SPATA17: variants seen among roughly 807,000 people sequenced by gnomAD.
The protein encoded by SPATA17 is spermatogenesis-associated protein 17.
A neutral mutation model predicts 62.2 loss-of-function variants in SPATA17; 53 were observed. That is an observed-to-expected ratio of 0.85 (90% CI 0.68 to 1.07). The LOEUF is 1.07. Ranked by LOEUF, SPATA17 falls within the 50% of genes least tolerant of loss-of-function variation. The pLI is 0.00. For missense variants in SPATA17, 466 were observed against 425.5 expected (o/e 1.10, Z -0.84); for synonymous variants, 146 against 146.8 (o/e 0.99, Z 0.04).
intron 1 of SPATA17, among the ~76,000 whole-genome samples, chr1:217,634,025 G>A (rs1382766470): frequency 1.3e-5 from 2 of 152,160 alleles, no homozygotes; most frequent in East Asian, 1.9e-4. Flanking sequence ...TGGGTTGCCC[G>A]ACTGACATAA....
chr1:217,793,528 TTA>T (rs1674058982), intron 8 of SPATA17, among the ~76,000 whole-genome samples: 1 of 152,086 alleles, frequency 6.6e-6, no homozygotes, highest in African/African-American at 2.4e-5. Flanking sequence ...CAGGACAGTT[TTA>T]GTCAGGATTG....
At chr1:217,845,553 A>T (rs977720151) in intron 9 of SPATA17, among the ~76,000 whole-genome samples, 1 of 152,086 alleles carries the variant, frequency 6.6e-6, no homozygotes, top group African/African-American at 2.4e-5. Context: ...CTTGACCTGT[A>T]TAAAACCCAG....
At chr1:217,804,569 C>T (rs1437820045) in intron 9 of SPATA17, among the ~76,000 whole-genome samples, 2 of 151,880 alleles carry the variant, frequency 1.3e-5, no homozygotes, top group African/African-American at 4.8e-5. Flanking sequence ...AAGCTTTGCA[C>T]AGCAAAGGAA....
At chr1:217,819,319 G>A (rs1674804198) in intron 9 of SPATA17, among the ~76,000 whole-genome samples, 1 of 151,814 alleles carries the variant, frequency 6.6e-6, no homozygotes, top group Admixed American at 6.6e-5. Context: ...TAATGTTGTA[G>A]GGAAGAAGAG....
At chr1:217,783,143 T>C (rs1673772293) in intron 8 of SPATA17, among the ~76,000 whole-genome samples, 2 of 150,688 alleles carry the variant, frequency 1.3e-5, no homozygotes, top group South Asian at 2.1e-4. Flanking sequence ...TTATTGCATT[T>C]ACATAATCAT....
At chr1:217,768,262 G>C (rs1158386768) in intron 6 of SPATA17, among the ~76,000 whole-genome samples, 1 of 151,838 alleles carries the variant, frequency 6.6e-6, no homozygotes, top group Non-Finnish European at 1.5e-5. Context: ...AAATAAAGGA[G>C]ATGTGAAAAA....
intron 7 of SPATA17, among the ~76,000 whole-genome samples, chr1:217,776,893 G>GGA (rs1043668467): frequency 4.0e-5 from 6 of 151,862 alleles, no homozygotes; most frequent in Non-Finnish European, 8.8e-5. Context: ...GTGATCCTAG[G>GGA]GAGAGAGAGA....
intron 2 of SPATA17, among the ~76,000 whole-genome samples, chr1:217,650,090 C>T (rs893417755): frequency 6.6e-6 from 1 of 152,004 alleles, no homozygotes; most frequent in Non-Finnish European, 1.5e-5. Flanking sequence ...CAGGCATGTG[C>T]CACCATGCCT....
chr1:217,715,634 T>G (rs1671983369), intron 5 of SPATA17, among the ~76,000 whole-genome samples: 1 of 151,672 alleles, frequency 6.6e-6, no homozygotes, highest in African/African-American at 2.4e-5. Context: ...TTGATTATTC[T>G]GAAATCCATA....
intron 9 of SPATA17, among the ~76,000 whole-genome samples, chr1:217,804,610 G>GAA: frequency 6.6e-6 from 1 of 151,836 alleles, no homozygotes; most frequent in East Asian, 1.9e-4. Context: ...ACAAACTATG[G>GAA]AATAGGAAAA....
chr1:217,798,414 TG>T lies in SPATA17; in HGVS notation c.873-3303del, dbSNP rs542994479. Among the ~76,000 whole-genome samples the T allele has an allele frequency of 5.9e-5, 9 of 152,360 alleles. No homozygotes were observed. The East Asian group carries it at 1.7e-3, about 29-fold the overall frequency. ...TACTTTGAGAATAAGAAAAAGTATG[TG>T]TTTCTCTTTTCCCACCTGAAAAAGT... On this transcript the variant is annotated intron_variant, in intron 8 of 10. Transcript: ENST00000366933.
intron 5 of SPATA17, among the ~76,000 whole-genome samples, chr1:217,710,898 C>T (rs1474558658): frequency 6.6e-6 from 1 of 152,142 alleles, no homozygotes; most frequent in Non-Finnish European, 1.5e-5. Flanking sequence ...TTTGCTCAGT[C>T]TGGACATTTC....
At chr1:217,779,684 GT>G (rs1428532936) in intron 7 of SPATA17, among the ~76,000 whole-genome samples, 1 of 144,758 alleles carries the variant, frequency 6.9e-6, no homozygotes. Flanking sequence ...TTGTTTGTTT[GT>G]TTTTTCTGAG....
chr1:217,800,325 C>T (rs540364669), intron 8 of SPATA17, among the ~76,000 whole-genome samples: 15 of 151,892 alleles, frequency 9.9e-5, no homozygotes, highest in African/African-American at 3.6e-4. Flanking sequence ...CATGTCTTTT[C>T]AGAAGATGCA....
At chr1:217,696,366 G>T (rs954003961) in intron 5 of SPATA17, among the ~76,000 whole-genome samples, 1 of 152,228 alleles carries the variant, frequency 6.6e-6, no homozygotes, top group South Asian at 2.1e-4. Flanking sequence ...CACAGTGCGC[G>T]CACCCACTGG....
chr1:217,806,715 C>T (rs370036527), intron 9 of SPATA17, among the ~76,000 whole-genome samples: 3 of 152,104 alleles, frequency 2.0e-5, no homozygotes, highest in Non-Finnish European at 4.4e-5. Context: ...ATTGTTTCTA[C>T]CATGTTATGC....
chr1:217,857,150 C>T (rs1054321786), intron 9 of SPATA17, among the ~76,000 whole-genome samples: 5 of 152,078 alleles, frequency 3.3e-5, no homozygotes, highest in African/African-American at 1.2e-4. Flanking sequence ...AGTTTTGTCT[C>T]CTATGGTGTA....
chr1:217,763,764 T>C (rs1473561458), intron 6 of SPATA17, among the ~76,000 whole-genome samples: 3 of 152,124 alleles, frequency 2.0e-5, no homozygotes, highest in Non-Finnish European at 4.4e-5. Flanking sequence ...GGATTCAAGA[T>C]GTATTTTGGA....
chr1:217,741,840 G>A, intron 5 of SPATA17, 135 bp from the exon 6 acceptor site: 1 of 869,928 alleles, frequency 1.1e-6, no homozygotes, highest in Non-Finnish European at 1.7e-6. Context: ...GAAAATGCAG[G>A]TAAGATAGAT....
Sources: allele counts gnomAD v4.1 joint callset (sites outside exome capture counted in the v4.1 genomes callset), GRCh38; gene constraint gnomAD v4.1.1; transcripts MANE v1.5; gene names NCBI Gene and HGNC (gene_info 2026-07-23, HGNC 2026-07-21).